The following PPARGC1A variants were observed in gnomAD, a reference collection of about 807,000 sequenced individuals.
PPARGC1A encodes the protein peroxisome proliferator-activated receptor gamma coactivator 1-alpha.
Under a neutral mutation model 88.7 loss-of-function variants are expected in PPARGC1A, and 25 were observed. The ratio of observed to expected loss-of-function variants is 0.28; its 90% CI spans 0.21 to 0.39. The LOEUF is 0.39. Among genes scored for constraint, PPARGC1A ranks in the 10% least tolerant of loss-of-function variants. PPARGC1A has a pLI of 1.00. For missense variants in PPARGC1A, 880 were observed against 968.7 expected, an observed-to-expected ratio of 0.91 and a Z score of 1.22; for synonymous variants, 363 against 355.6, an observed-to-expected ratio of 1.02 and a Z score of -0.24.
the PPARGC1A span, among the ~76,000 whole-genome samples, chr4:24,002,097 C>CACACACAG: frequency 4.9e-4 from 61 of 125,382 alleles, no homozygotes; most frequent in African/African-American, 1.5e-3. Context: ...CACACACACA[C>CACACACAG]AGAGAGAGAG....
chr4:24,460,877 A>T, the PPARGC1A span, among the ~76,000 whole-genome samples: 6 of 152,208 alleles, frequency 3.9e-5, no homozygotes, highest in Admixed American at 3.9e-4. Context: ...ATAAAACTTC[A>T]TCTTTGATTT....
chr4:24,444,193 C>T, the PPARGC1A span, among the ~76,000 whole-genome samples: 28 of 152,108 alleles, frequency 1.8e-4, no homozygotes, highest in Non-Finnish European at 3.1e-4. Context: ...ACCACCACAT[C>T]GGTTAATTTT....
At chr4:24,029,727 T>C in the PPARGC1A span, among the ~76,000 whole-genome samples, 4 of 152,166 alleles carry the variant, frequency 2.6e-5, no homozygotes, top group Non-Finnish European at 5.9e-5. Flanking sequence ...ACAGGGTCCC[T>C]TCACTCTTAT....
At chr4:24,162,368 AAAAAT>A in the PPARGC1A span, among the ~76,000 whole-genome samples, 6 of 152,154 alleles carry the variant, frequency 3.9e-5, no homozygotes, top group South Asian at 2.1e-4. Flanking sequence ...CTATGGAAAT[AAAAAT>A]AAAATAAAAT....
the PPARGC1A span, among the ~76,000 whole-genome samples, chr4:24,053,306 C>G: frequency 6.6e-6 from 1 of 151,978 alleles, no homozygotes; most frequent in South Asian, 2.1e-4. Flanking sequence ...AATAGAGATC[C>G]AAAGGCTTAC....
chr4:24,112,769 A>G, the PPARGC1A span, among the ~76,000 whole-genome samples: 1 of 152,148 alleles, frequency 6.6e-6, no homozygotes, highest in Non-Finnish European at 1.5e-5. Context: ...CAGCCACCCA[A>G]TTCATCCACA....
the PPARGC1A span, among the ~76,000 whole-genome samples, chr4:24,177,842 A>T: frequency 6.6e-6 from 1 of 152,098 alleles, no homozygotes; most frequent in Admixed American, 6.6e-5. Context: ...GGTCATTTTA[A>T]TTGCATATGA....
chr4:24,030,507 C>T, the PPARGC1A span, among the ~76,000 whole-genome samples: 1 of 152,188 alleles, frequency 6.6e-6, no homozygotes, highest in African/African-American at 2.4e-5. Flanking sequence ...AAAAATAATA[C>T]CTTTTGAGCT....
the PPARGC1A span, among the ~76,000 whole-genome samples, chr4:24,337,537 G>A: frequency 2.0e-5 from 3 of 152,252 alleles, no homozygotes; most frequent in African/African-American, 4.8e-5. Context: ...CAGGTCCTCC[G>A]AGAGGAGCCC....
chr4:24,115,341 G>A, the PPARGC1A span, among the ~76,000 whole-genome samples: 1 of 152,100 alleles, frequency 6.6e-6, no homozygotes. Context: ...TAATAAAAGT[G>A]CTTGTGGGGA....
At chr4:24,173,558 G>A in the PPARGC1A span, among the ~76,000 whole-genome samples, 2 of 152,112 alleles carry the variant, frequency 1.3e-5, no homozygotes, top group Admixed American at 1.3e-4. Flanking sequence ...ACAAATTGAA[G>A]TCAAGGAGAT....
chr4:24,069,046 G>C, the PPARGC1A span, among the ~76,000 whole-genome samples: 1 of 152,160 alleles, frequency 6.6e-6, no homozygotes, highest in African/African-American at 2.4e-5. Flanking sequence ...CATTTATTAA[G>C]CATTTAATAT....
At chr4:23,997,071 A>G in the PPARGC1A span, among the ~76,000 whole-genome samples, 3 of 152,308 alleles carry the variant, frequency 2.0e-5, no homozygotes, top group African/African-American at 7.2e-5. Flanking sequence ...TATATGTGCC[A>G]TATTTGCCAT....
At chr4:24,387,926 GAAA>G in the PPARGC1A span, among the ~76,000 whole-genome samples, 1 of 15,956 alleles carries the variant, frequency 6.3e-5, no homozygotes, top group Admixed American at 9.9e-4. Flanking sequence ...AAGAAAGAAA[GAAA>G]GAAAGAGAAA....
At chr4:24,143,437 G>C in the PPARGC1A span, among the ~76,000 whole-genome samples, 1 of 152,312 alleles carries the variant, frequency 6.6e-6, no homozygotes, top group South Asian at 2.1e-4. Flanking sequence ...GTAAGGGAAG[G>C]TCTCCCTGAG....
At chr4:24,452,809 A>T in the PPARGC1A span, among the ~76,000 whole-genome samples, 1 of 152,338 alleles carries the variant, frequency 6.6e-6, no homozygotes, top group African/African-American at 2.4e-5. Flanking sequence ...TGGCATTAAC[A>T]TCCCCAACAA....
At chr4:23,858,910 TATATAA>T in intron 2 of PPARGC1A, among the ~76,000 whole-genome samples, 2 of 149,480 alleles carry the variant, frequency 1.3e-5, no homozygotes, top group South Asian at 4.2e-4. Flanking sequence ...AATATATACT[TATATAA>T]ATATAAATTA....
At chr4:24,041,211 T>C in the PPARGC1A span, among the ~76,000 whole-genome samples, 1 of 152,162 alleles carries the variant, frequency 6.6e-6, no homozygotes, top group African/African-American at 2.4e-5. Context: ...CACATCTGAT[T>C]AGGTTGAGAT....
At chr4:24,214,718 G>C in the PPARGC1A span, among the ~76,000 whole-genome samples, 5,124 of 152,228 alleles carry the variant, frequency 0.034, 118 homozygotes, top group Non-Finnish European at 0.045. Context: ...TATAGGGCAA[G>C]AAGCAGGAGT....
Sources: allele counts gnomAD v4.1 joint callset (sites outside exome capture counted in the v4.1 genomes callset), GRCh38; gene constraint gnomAD v4.1.1; transcripts MANE v1.5; gene names NCBI Gene and HGNC (gene_info 2026-07-23, HGNC 2026-07-21).